The following HTR4 variants were observed in gnomAD, a reference collection of about 807,000 sequenced individuals.
HTR4 encodes the protein 5-hydroxytryptamine receptor 4.
HTR4 carries 16 observed loss-of-function variants against 36.8 expected under a neutral mutation model. The ratio of observed to expected loss-of-function variants is 0.43; its 90% confidence interval spans 0.29 to 0.66. HTR4 has a LOEUF of 0.66. HTR4 is among the 30% of genes least tolerant of loss of function. The pLI is 0.13. For missense variants in HTR4, 438 were observed against 490.9 expected (o/e 0.89, Z 1.02); for synonymous variants, 189 against 185.1 (o/e 1.02, Z -0.17).
intron 5 of HTR4, among the ~76,000 whole-genome samples, chr5:148,521,427 A>G (rs1469234562): frequency 6.6e-6 from 1 of 151,994 alleles, no homozygotes; most frequent in Non-Finnish European, 1.5e-5. Context: ...GAGGGAACTC[A>G]TGCTGCCTTA....
intron 3 of HTR4, 95 bp from the exon 4 acceptor site, chr5:148,548,963 A>C (rs1162045048): frequency 7.1e-6 from 6 of 847,110 alleles, no homozygotes; most frequent in South Asian, 4.6e-5. Flanking sequence ...GGGAAAAGGG[A>C]AACAAAGAAA....
At chr5:148,634,232 A>G (rs920352013) in intron 2 of HTR4, among the ~76,000 whole-genome samples, 2 of 152,124 alleles carry the variant, frequency 1.3e-5, no homozygotes, top group Non-Finnish European at 2.9e-5. Flanking sequence ...TCTCTAGGGC[A>G]TTTGCAGTCT....
intron 2 of HTR4, among the ~76,000 whole-genome samples, chr5:148,611,925 C>T: frequency 6.6e-6 from 1 of 151,882 alleles, no homozygotes; most frequent in South Asian, 2.1e-4. Flanking sequence ...TCAAAAGAGA[C>T]AAAGAAGGCC....
chr5:148,650,036 T>TA (rs1554103363), intron 1 of HTR4, among the ~76,000 whole-genome samples: 2 of 151,806 alleles, frequency 1.3e-5, no homozygotes, highest in East Asian at 3.9e-4. Context: ...GTTTTTTTTT[T>TA]AAGTTTTAAT....
At chr5:148,499,891 G>T (rs1756859301) in intron 6 of HTR4, among the ~76,000 whole-genome samples, 1 of 151,816 alleles carries the variant, frequency 6.6e-6, no homozygotes, top group African/African-American at 2.4e-5. Flanking sequence ...TCTCTCTCTT[G>T]CTCCCCTTCT....
intron 4 of HTR4, among the ~76,000 whole-genome samples, chr5:148,527,089 C>A (rs1221251706): frequency 6.6e-6 from 1 of 152,122 alleles, no homozygotes; most frequent in Non-Finnish European, 1.5e-5. Context: ...CCCAACTACC[C>A]TGATTTGATC....
At chr5:148,622,839 A>G (rs1207325880) in intron 2 of HTR4, among the ~76,000 whole-genome samples, 3 of 152,110 alleles carry the variant, frequency 2.0e-5, no homozygotes, top group African/African-American at 4.8e-5. Context: ...GTTATCTCAC[A>G]CTCCTTTTTA....
chr5:148,550,703 A>T lies in HTR4; in HGVS notation c.27-441T>A, dbSNP rs1419168127. 2.0e-5 allele frequency among the ~76,000 whole-genome samples: 3 copies of T among 152,014 alleles called. No individual in the cohort carries two copies. In the East Asian group the frequency reaches 5.8e-4, roughly 29 times the overall value. Reference sequence around the variant, plus strand: ...GTGAGTTGTGTTTTAGTTGCCATGGACCCCCAGGTTGCAAGTTAAACTGAC... The same window carrying T: ...GTGAGTTGTGTTTTAGTTGCCATGGTCCCCCAGGTTGCAAGTTAAACTGAC... On this transcript the variant is annotated intron_variant, in intron 2 of 6. Coordinates refer to ENST00000377888, the MANE Select transcript of HTR4 (RefSeq NM_000870.7).
intron 6 of HTR4, chr5:148,484,278 G>T (rs1029680395): frequency 1.2e-6 from 2 of 1,613,498 alleles, no homozygotes; most frequent in Non-Finnish European, 1.7e-6. Context: ...AGGCTTCCTT[G>T]CAGTCAAACA....
intron 2 of HTR4, among the ~76,000 whole-genome samples, chr5:148,571,402 C>T (rs1245180122): frequency 6.6e-6 from 1 of 152,044 alleles, no homozygotes; most frequent in Non-Finnish European, 1.5e-5. Context: ...GTAGATGAGC[C>T]TAGCATTTAT....
In HTR4 at chr5:148,550,280, G is replaced by C; in HGVS notation, c.27-18C>G. On this transcript the variant is annotated intron_variant, in intron 2 of 6. Transcript: ENST00000377888. Reference sequence around the variant, plus strand: ...CCTCAGAACTGAAAGACACACACAAGCACAAAGAATTGAATGAAACTCTGG... The same window carrying C: ...CCTCAGAACTGAAAGACACACACAACCACAAAGAATTGAATGAAACTCTGG... The C allele has an allele frequency of 6.2e-7, 1 of 1,613,204 alleles. No homozygotes were observed. Among genetic ancestry groups the C allele is most frequent in the Non-Finnish European group, 8.5e-7 (1 of 1,179,568 alleles).
At chr5:148,492,669 C>G (rs1453257035) in intron 6 of HTR4, among the ~76,000 whole-genome samples, 3 of 152,216 alleles carry the variant, frequency 2.0e-5, no homozygotes, top group African/African-American at 7.2e-5. Flanking sequence ...ACTGGCATAT[C>G]CCTGAACGGA....
chr5:148,489,952 C>T (rs1366301776), intron 6 of HTR4, among the ~76,000 whole-genome samples: 1 of 152,002 alleles, frequency 6.6e-6, no homozygotes, highest in Non-Finnish European at 1.5e-5. Flanking sequence ...CACGAAGCAG[C>T]TTCTCCCTTT....
intron 6 of HTR4, among the ~76,000 whole-genome samples, chr5:148,505,399 A>G (rs1414121516): frequency 6.6e-6 from 1 of 152,212 alleles, no homozygotes; most frequent in African/African-American, 2.4e-5. Flanking sequence ...ATTTATGACA[A>G]ACCCACAGCC....
intron 2 of HTR4, among the ~76,000 whole-genome samples, chr5:148,622,317 CT>C (rs1388502138): frequency 6.6e-6 from 1 of 152,200 alleles, no homozygotes; most frequent in Non-Finnish European, 1.5e-5. Flanking sequence ...GTGGACTAAT[CT>C]TTCCTCATGT....
intron 2 of HTR4, among the ~76,000 whole-genome samples, chr5:148,622,673 AT>A: frequency 1.3e-5 from 2 of 152,284 alleles, no homozygotes; most frequent in Middle Eastern, 6.8e-3. Flanking sequence ...TCAAATTTTC[AT>A]TTTCCTTATC....
intron 4 of HTR4, among the ~76,000 whole-genome samples, chr5:148,539,132 T>A (rs568568149): frequency 1.3e-5 from 2 of 152,298 alleles, no homozygotes; most frequent in East Asian, 1.9e-4. Context: ...GGGAAAAGAT[T>A]CCCTATTCAA....
At chr5:148,621,607 A>G (rs772738816) in intron 2 of HTR4, among the ~76,000 whole-genome samples, 2 of 152,176 alleles carry the variant, frequency 1.3e-5, no homozygotes, top group Non-Finnish European at 2.9e-5. Flanking sequence ...GAGCTAGTAA[A>G]TTCTCACTGT....
At chr5:148,481,455 T>G (rs1244485330), downstream of HTR4, 1 of 969,238 alleles carries the variant, frequency 1.0e-6, no homozygotes, top group East Asian at 2.6e-5. Context: ...CTGAATAGCA[T>G]TTCTCTTTCA....
Sources: allele counts gnomAD v4.1 joint callset (sites outside exome capture counted in the v4.1 genomes callset), GRCh38; gene constraint gnomAD v4.1.1; transcripts MANE v1.5; gene names NCBI Gene and HGNC (gene_info 2026-07-23, HGNC 2026-07-21).